Variants in DNAH12 observed in about 807,000 individuals in gnomAD.
DNAH12 encodes the protein dynein axonemal heavy chain 12.
DNAH12 carries 285 observed loss-of-function variants against 371.5 expected under a neutral mutation model. The ratio of observed to expected loss-of-function variants is 0.77; its 90% CI spans 0.70 to 0.85. The LOEUF is 0.85. Among genes scored for constraint, DNAH12 ranks in the 40% least tolerant of loss-of-function variants. The pLI is 0.00. For synonymous variants in DNAH12, 1,200 were observed against 1,213.0 expected, an observed-to-expected ratio of 0.99 and a Z score of 0.22; for missense variants, 3,611 against 3,689.4, an observed-to-expected ratio of 0.98 and a Z score of 0.55.
In DNAH12 at chr3:57,425,647, C is replaced by T. The variant is rs1298762277; in HGVS notation, c.5254-506G>A. The stretch of plus-strand genomic sequence containing the variant: ...ACATTTCTCAAATATTTTAGTTTCC[C>T]ATATTATATTACACAATTATACATA... On this transcript the variant is annotated intron_variant, in intron 34 of 73. Coordinates refer to ENST00000495027, the MANE Select transcript of DNAH12 (RefSeq NM_001366028.2). 4.9e-4 allele frequency among the ~76,000 whole-genome samples: 74 copies of T among 152,118 alleles called. 2 individuals are homozygous for T. The highest frequency in any genetic ancestry group is 4.8e-3 in the Admixed American group (74 of 15,262).
chr3:57,483,617 A>T lies in DNAH12; in HGVS notation c.1515-106T>A, dbSNP rs902629426. On this transcript the variant is annotated intron_variant, in intron 12 of 73. Transcript: ENST00000495027. ...TATAAAATAAGAACTATGATATCCTAAAAAAATTGCTTGATTCACTAAGGT... is the reference window on the plus strand; with the variant it reads ...TATAAAATAAGAACTATGATATCCTTAAAAAATTGCTTGATTCACTAAGGT... The T allele has an allele frequency of 2.4e-6, 3 of 1,240,798 alleles. No homozygotes were observed. The South Asian group carries it at 5.1e-5, about 21-fold the overall frequency. The allele number at this position is 1,240,798 out of a possible 1,614,324, so 76.9% of individuals were successfully genotyped here.
intron 60 of DNAH12, among the ~76,000 whole-genome samples, chr3:57,335,820 G>T (rs1241711508): frequency 6.6e-6 from 1 of 152,172 alleles, no homozygotes; most frequent in Non-Finnish European, 1.5e-5. Context: ...TAAACTGAAA[G>T]CTCCCAGAGA....
chr3:57,308,952 C>A (rs1191175327), intron 69 of DNAH12, among the ~76,000 whole-genome samples, 199 bp downstream of exon 69: 1 of 152,032 alleles, frequency 6.6e-6, no homozygotes, highest in Non-Finnish European at 1.5e-5. Flanking sequence ...ACAAAATCTG[C>A]CTTCAGCTTA....
intron 66 of DNAH12, among the ~76,000 whole-genome samples, chr3:57,313,576 C>A (rs1478831287): frequency 6.6e-6 from 1 of 152,156 alleles, no homozygotes; most frequent in Non-Finnish European, 1.5e-5. Flanking sequence ...ATAGCTTGAA[C>A]TGGGAGGCAC....
chr3:57,521,415 C>T (rs777453414), intron 4 of DNAH12, among the ~76,000 whole-genome samples: 1 of 151,852 alleles, frequency 6.6e-6, no homozygotes, highest in Non-Finnish European at 1.5e-5. Flanking sequence ...GTAGTCCCAG[C>T]TACTCAGGAA....
In DNAH12 at chr3:57,458,154, T is replaced by C; in HGVS notation, c.2998A>G (p.Lys1000Glu). 2 of 1,550,228 alleles carry C rather than the reference T, an allele frequency of 1.3e-6. No homozygotes were observed. Among genetic ancestry groups the C allele is most frequent in the Non-Finnish European group, 1.7e-6 (2 of 1,146,648 alleles). ...TATGCGTTAAGACCTTTCATAATTT[T>C]CTCCAAAAGTTCATTGCAGTTCTGT... The part of the protein sequence containing the change: ...KLQNCNELLE[K>E]IMKGLNAYLE... The change falls in exon 21 of 74, where the codon AAA becomes GAA. Residue 1000 changes from lysine (K) to glutamate (E), a missense_variant. Coordinates refer to ENST00000495027, the MANE Select transcript of DNAH12 (RefSeq NM_001366028.2).
chr3:57,500,122 C>A (rs2067485484), intron 11 of DNAH12, among the ~76,000 whole-genome samples: 1 of 147,866 alleles, frequency 6.8e-6, no homozygotes, highest in South Asian at 2.2e-4. Flanking sequence ...CTCACTGCAA[C>A]CTTCGCCTCC....
intron 27 of DNAH12, 89 bp downstream of exon 27, chr3:57,445,942 C>G: frequency 7.9e-7 from 1 of 1,265,048 alleles, no homozygotes; most frequent in East Asian, 3.0e-5. Flanking sequence ...GAGCCAAGAT[C>G]GCGCCACTGC....
rs142571359 is a variant in DNAH12 at position 57,413,667 on chromosome 3, A to G, written c.6020+79T>C. 3.1e-4 allele frequency: 430 copies of G among 1,405,052 alleles called. 1 individual carries two copies. In the African/African-American group the frequency reaches 4.8e-3, roughly 16 times the overall value. 87.0% of individuals were successfully genotyped at this position (1,405,052 alleles called of 1,614,324 possible). On this transcript the variant is annotated intron_variant, in intron 39 of 73. Coordinates refer to ENST00000495027, the MANE Select transcript of DNAH12 (RefSeq NM_001366028.2). The stretch of plus-strand genomic sequence containing the variant: ...ATTCTTTTCCCTAAATATCTTGAAA[A>G]ATGTATTATTTTACTTTAAAAACCT...
In DNAH12 at chr3:57,301,529, C is replaced by T. The variant is rs562049789; in HGVS notation, c.11394+206G>A. Among the ~76,000 whole-genome samples the T allele has an allele frequency of 3.3e-5, 5 of 152,074 alleles. No individual in the cohort carries two copies. The South Asian group carries it at 8.3e-4, about 25-fold the overall frequency. On this transcript the variant is annotated intron_variant, in intron 70 of 73. Coordinates refer to ENST00000495027, the MANE Select transcript of DNAH12 (RefSeq NM_001366028.2). ...ATATTTTTCAATATTCTAAAATTTTCATCAGACTATCACAAAGCTACTCAT... is the reference window on the plus strand; with the variant it reads ...ATATTTTTCAATATTCTAAAATTTTTATCAGACTATCACAAAGCTACTCAT...
intron 70 of DNAH12, among the ~76,000 whole-genome samples, chr3:57,297,893 A>G (rs1036235586): frequency 1.3e-5 from 2 of 152,166 alleles, no homozygotes; most frequent in East Asian, 1.9e-4. Flanking sequence ...GTGATGCACC[A>G]AATTAAAGCT....
intron 43 of DNAH12, 119 bp downstream of exon 43, chr3:57,403,190 G>GT: frequency 9.7e-7 from 1 of 1,033,474 alleles, no homozygotes; most frequent in Non-Finnish European, 1.4e-6. Context: ...TCTATGGACA[G>GT]TATTAGCATC....
chr3:57,329,129 A>G (rs2062026724), intron 62 of DNAH12, among the ~76,000 whole-genome samples: 1 of 148,102 alleles, frequency 6.8e-6, no homozygotes, highest in Non-Finnish European at 1.5e-5. Flanking sequence ...GAAAATGGCC[A>G]TACTGCCCAA....
intron 43 of DNAH12, among the ~76,000 whole-genome samples, chr3:57,395,299 G>A (rs1306135869): frequency 6.6e-6 from 1 of 151,976 alleles, no homozygotes; most frequent in African/African-American, 2.4e-5. Context: ...CTCACCCCCG[G>A]TCCTGGAAAG....
chr3:57,495,993 A>G (rs1436822944), intron 11 of DNAH12, among the ~76,000 whole-genome samples: 2 of 141,606 alleles, frequency 1.4e-5, no homozygotes, highest in African/African-American at 5.5e-5. Context: ...TATATATATT[A>G]TATATATATA....
At chr3:57,547,567 T>A (rs1448002947), upstream of DNAH12, among the ~76,000 whole-genome samples, 2 of 152,154 alleles carry the variant, frequency 1.3e-5, no homozygotes, top group Non-Finnish European at 1.5e-5. Context: ...ACAAGAATAC[T>A]CATGAATAGT....
Sources: allele counts gnomAD v4.1 joint callset (sites outside exome capture counted in the v4.1 genomes callset), GRCh38; gene constraint gnomAD v4.1.1; transcripts MANE v1.5; gene names NCBI Gene and HGNC (gene_info 2026-07-23, HGNC 2026-07-21).